BCAT1: variants seen among roughly 807,000 people sequenced by gnomAD.
BCAT1 encodes the protein branched-chain-amino-acid aminotransferase, cytosolic.
BCAT1 carries 48 observed loss-of-function variants against 52.4 expected under a neutral mutation model. The observed-to-expected ratio is 0.92, with a 90% confidence interval of 0.73 to 1.16. The LOEUF is 1.16. Ranked by LOEUF, BCAT1 falls within the 50% of genes most tolerant of loss-of-function variation. The probability of loss-of-function intolerance (pLI) is 0.00; values close to 1 mark genes in which losing one functional copy is unlikely to be tolerated. For synonymous variants in BCAT1, 167 were observed against 161.3 expected, an observed-to-expected ratio of 1.04 and a Z score of -0.27; for missense variants, 451 against 457.1, an observed-to-expected ratio of 0.99 and a Z score of 0.12.
At chr12:24,921,069 G>T (rs1013178848) in intron 1 of BCAT1, among the ~76,000 whole-genome samples, 1 of 152,018 alleles carries the variant, frequency 6.6e-6, no homozygotes, top group African/African-American at 2.4e-5. Flanking sequence ...GTTCAGCACA[G>T]GAGGCTCACG....
At chr12:24,897,961 C>A (rs115767329) in intron 2 of BCAT1, among the ~76,000 whole-genome samples, 1,953 of 151,754 alleles carry the variant, frequency 0.013, 44 homozygotes, top group African/African-American at 0.046. Context: ...CTAAAAATAA[C>A]AACTTTTAAC....
At chr12:24,857,938 C>T (rs1233479686) in intron 5 of BCAT1, among the ~76,000 whole-genome samples, 1 of 152,216 alleles carries the variant, frequency 6.6e-6, no homozygotes, top group Admixed American at 6.5e-5. Flanking sequence ...GAAGCATGCT[C>T]TTGGCCACCT....
intron 10 of BCAT1, among the ~76,000 whole-genome samples, chr12:24,826,348 TG>T (rs1940398760): frequency 6.6e-6 from 1 of 152,240 alleles, no homozygotes; most frequent in Non-Finnish European, 1.5e-5. Flanking sequence ...TTCATTCTTC[TG>T]CATATAATTA....
chr12:24,889,830 T>C (rs1411773129), intron 3 of BCAT1, among the ~76,000 whole-genome samples: 11 of 152,134 alleles, frequency 7.2e-5, no homozygotes, highest in Admixed American at 6.5e-4. Context: ...TCTTATATTT[T>C]AAAAATAATG....
At position 24,887,061 on chromosome 12, in the gene BCAT1, T is replaced by TAAAAAAAAAAAAAA. The variant is rs1171691492; in HGVS notation, c.280-5664_280-5651dup. Among the ~76,000 whole-genome samples, 7 of 7,586 alleles carry TAAAAAAAAAAAAAA rather than the reference T, an allele frequency of 9.2e-4. 1 individual carries two copies. The highest frequency in any genetic ancestry group is 2.5e-3 in the African/African-American group (4 of 1,570). 5.0% of individuals were successfully genotyped at this position (7,586 alleles called of 152,430 possible). ...CTGGAAGAACGAGAGAGATGCTAGC[T>TAAAAAAAAAAAAAA]AAAAAAAAAAAAAAAAAAAATATAT... On this transcript the variant is annotated intron_variant, in intron 3 of 10. Transcript: ENST00000261192.
At chr12:24,914,393 T>C (rs957629445) in intron 1 of BCAT1, among the ~76,000 whole-genome samples, 1 of 152,284 alleles carries the variant, frequency 6.6e-6, no homozygotes, top group African/African-American at 2.4e-5. Flanking sequence ...GGTGGATTAT[T>C]TTATAAGCCA....
At chr12:24,936,156 T>G in intron 1 of BCAT1, among the ~76,000 whole-genome samples, 1 of 152,208 alleles carries the variant, frequency 6.6e-6, no homozygotes, top group Non-Finnish European at 1.5e-5. Flanking sequence ...GCACACCATT[T>G]CCAGGTACCA....
chr12:24,854,532 A>G (rs185991124), intron 5 of BCAT1, among the ~76,000 whole-genome samples: 2 of 152,316 alleles, frequency 1.3e-5, no homozygotes, highest in Admixed American at 1.3e-4. Context: ...TCAGCGGTCC[A>G]TACAGGGCTT....
At chr12:24,942,839 T>C (rs1352677710) in intron 1 of BCAT1, among the ~76,000 whole-genome samples, 4 of 152,254 alleles carry the variant, frequency 2.6e-5, no homozygotes, top group Admixed American at 1.3e-4. Flanking sequence ...CCGAGTTCTA[T>C]TCTGTAACTA....
intron 3 of BCAT1, among the ~76,000 whole-genome samples, 157 bp downstream of exon 3, chr12:24,894,118 C>T (rs551652049): frequency 6.6e-6 from 1 of 152,304 alleles, no homozygotes; most frequent in East Asian, 1.9e-4. Context: ...TATCTTCAAT[C>T]CAACTGTCTA....
chr12:24,821,419 T>TC (rs2139320130), intron 10 of BCAT1, among the ~76,000 whole-genome samples: 1 of 152,218 alleles, frequency 6.6e-6, no homozygotes, highest in Admixed American at 6.5e-5. Context: ...TCACACATGC[T>TC]CCCCCTGATA....
chr12:24,878,651 T>C lies in BCAT1; in HGVS notation c.391-2A>G, dbSNP rs759324954. ...TAAGAGCTCTTCTTTGTCAAATACCTGAAAGAATGAAAAACATAATAAATG... is the reference window on the plus strand; with the variant it reads ...TAAGAGCTCTTCTTTGTCAAATACCCGAAAGAATGAAAAACATAATAAATG... On this transcript the variant is annotated splice_acceptor_variant, in intron 4 of 10. Coordinates refer to ENST00000261192, the MANE Select transcript of BCAT1 (RefSeq NM_005504.7). LOFTEE classifies it high-confidence loss of function. 79 of 1,596,388 alleles carry C rather than the reference T, an allele frequency of 4.9e-5. 1 individual carries two copies. In the East Asian group the frequency reaches 1.8e-3, roughly 36 times the overall value.
chr12:24,830,177 C>A lies in BCAT1; in HGVS notation c.1045-280G>T, dbSNP rs186703062. The A allele has an allele frequency of 1.2e-3, 358 of 291,790 alleles. 2 individuals are homozygous for A. Among genetic ancestry groups the A allele is most frequent in the African/African-American group, 7.2e-3 (334 of 46,314 alleles). 18.1% of individuals were successfully genotyped at this position (291,790 alleles called of 1,614,324 possible). A position where few individuals can be genotyped will look rare whatever the true frequency, so the allele number is the denominator to read the frequency against. Reference sequence around the variant, plus strand: ...CCAGCCTTCAGGATCATTTGAAGAACCAAGGAGGAGCTACAGTTACCTAAA... The same window carrying A: ...CCAGCCTTCAGGATCATTTGAAGAAACAAGGAGGAGCTACAGTTACCTAAA... On this transcript the variant is annotated intron_variant, in intron 9 of 10. Coordinates refer to ENST00000261192, the MANE Select transcript of BCAT1 (RefSeq NM_005504.7).
intron 1 of BCAT1, among the ~76,000 whole-genome samples, chr12:24,910,563 T>A (rs1165717305): frequency 6.6e-6 from 1 of 152,138 alleles, no homozygotes; most frequent in African/African-American, 2.4e-5. Flanking sequence ...AAAATAGGGA[T>A]AAAAGGGTGA....
chr12:24,836,627 C>CT lies in BCAT1; in HGVS notation c.818-32dup, dbSNP rs777488322. On this transcript the variant is annotated intron_variant, in intron 7 of 10. Transcript: ENST00000261192. ...AATCAGAAATTGGGACATTTTCAAA[C>CT]TTTCACTACATTAGGCATGCCTTAT... The CT allele has an allele frequency of 5.2e-6, 8 of 1,548,926 alleles. No individual in the cohort carries two copies. In the East Asian group the frequency reaches 1.8e-4, roughly 35 times the overall value.
At chr12:24,902,647 G>T (rs559192341) in intron 1 of BCAT1, 3 of 471,042 alleles carry the variant, frequency 6.4e-6, no homozygotes, top group Non-Finnish European at 1.1e-5. Flanking sequence ...CCCTCAGAGC[G>T]AGTCCATAGC....
intron 5 of BCAT1, among the ~76,000 whole-genome samples, chr12:24,855,262 CTG>C (rs1941639767): frequency 6.8e-6 from 1 of 147,654 alleles, no homozygotes; most frequent in Non-Finnish European, 1.5e-5. Flanking sequence ...TGAGACAACT[CTG>C]GACATACTGG....
Position 24,844,657 on chromosome 12 carries a change from G to A in BCAT1, c.675-2433C>T, listed in dbSNP as rs557546607. On this transcript the variant is annotated intron_variant, in intron 6 of 10. Transcript: ENST00000261192. ...CTCACGCCTGTAATCCCAGCACTTTGGGAGGCGAGACGGCCGGATCATGAG... is the reference window on the plus strand; with the variant it reads ...CTCACGCCTGTAATCCCAGCACTTTAGGAGGCGAGACGGCCGGATCATGAG... Among the ~76,000 whole-genome samples, 247 of 151,874 alleles carry A rather than the reference G, an allele frequency of 1.6e-3. 3 individuals are homozygous for A. The highest frequency in any genetic ancestry group is 6.5e-4 in the Non-Finnish European group (44 of 67,942).
At chr12:24,903,031 C>A in intron 1 of BCAT1, 1 of 1,405,862 alleles carries the variant, frequency 7.1e-7, no homozygotes. Flanking sequence ...GCGGCAGTGG[C>A]ACGGAGCGCG....
Sources: gnomAD v4.1 joint callset for allele counts (sites outside exome capture counted in the v4.1 genomes callset) on GRCh38, gnomAD v4.1.1 for gene constraint, MANE v1.5 for transcripts, NCBI Gene and HGNC (gene_info 2026-07-23, HGNC 2026-07-21) for gene names.